ATP2C2: variants seen among roughly 807,000 people sequenced by gnomAD.
ATP2C2 encodes the protein ATPase secretory pathway Ca2+ transporting 2.
ATP2C2 carries 171 observed loss-of-function variants against 110.8 expected under a neutral mutation model. The ratio of observed to expected loss-of-function variants is 1.54; its 90% CI spans 1.36 to 1.75. The LOEUF is 1.75. Ranked by LOEUF, ATP2C2 falls within the 40% of genes most tolerant of loss-of-function variation. ATP2C2 has a pLI of 0.00. For missense variants in ATP2C2, 1,963 were observed against 1,235.0 expected (o/e 1.59, Z -8.84); for synonymous variants, 804 against 508.4 (o/e 1.58, Z -7.82).
chr16:84,397,671 A>AAAAAAAAAAAAAAAAAAAAAAAG (rs1567694790), intron 1 of ATP2C2, among the ~76,000 whole-genome samples: 1 of 139,412 alleles, frequency 7.2e-6, no homozygotes, highest in African/African-American at 2.7e-5. Context: ...AAAAAAAAAA[A>AAAAAAAAAAAAAAAAAAAAAAAG]AACTTGCTTA....
At chr16:84,462,274 T>C (rs886161828) in intron 26 of ATP2C2, 145 bp downstream of exon 26, 10 of 1,056,328 alleles carry the variant, frequency 9.5e-6, no homozygotes, top group Non-Finnish European at 1.2e-5. Flanking sequence ...AGGGCCCTTC[T>C]GTCCTCACAG....
At chr16:84,373,780 C>A (rs1414560341) in intron 1 of ATP2C2, among the ~76,000 whole-genome samples, 3 of 152,218 alleles carry the variant, frequency 2.0e-5, no homozygotes, top group African/African-American at 7.2e-5. Flanking sequence ...GACATGTCAT[C>A]TGCTCACTAC....
chr16:84,386,439 A>T (rs961310654), intron 1 of ATP2C2, among the ~76,000 whole-genome samples: 1 of 152,172 alleles, frequency 6.6e-6, no homozygotes, highest in East Asian at 1.9e-4. Flanking sequence ...TCCTTACTGC[A>T]CAATTTCCCT....
chr16:84,408,635 A>C, intron 4 of ATP2C2, 141 bp downstream of exon 4: 1 of 660,914 alleles, frequency 1.5e-6, no homozygotes, highest in Non-Finnish European at 2.5e-6. Context: ...AGGAAAGCAA[A>C]TCCACATCCT....
chr16:84,448,167 G>C (rs1253188856), intron 16 of ATP2C2, among the ~76,000 whole-genome samples: 2 of 152,118 alleles, frequency 1.3e-5, no homozygotes, highest in African/African-American at 4.8e-5. Context: ...GGAGGCAACA[G>C]TCTAATGGAA....
chr16:84,443,584 G>A (rs188265954), intron 15 of ATP2C2, among the ~76,000 whole-genome samples: 60 of 152,256 alleles, frequency 3.9e-4, no homozygotes, highest in Middle Eastern at 3.4e-3. Context: ...TCTCACTGGC[G>A]AGTGCCGACT....
chr16:84,418,227 G>A (rs189053828), intron 7 of ATP2C2, among the ~76,000 whole-genome samples: 1 of 152,340 alleles, frequency 6.6e-6, no homozygotes, highest in East Asian at 1.9e-4. Context: ...GATAGGAGGT[G>A]AGCCCGCGAT....
At chr16:84,393,718 G>A (rs958056261) in intron 1 of ATP2C2, among the ~76,000 whole-genome samples, 1 of 151,608 alleles carries the variant, frequency 6.6e-6, no homozygotes, top group Admixed American at 6.6e-5. Context: ...GAGGATGGGA[G>A]GCCAGTGGAT....
At chr16:84,374,378 A>C (rs905258316) in intron 1 of ATP2C2, among the ~76,000 whole-genome samples, 3 of 152,186 alleles carry the variant, frequency 2.0e-5, no homozygotes, top group South Asian at 2.1e-4. Flanking sequence ...GCAAATATGC[A>C]CACTGGTGTT....
Position 84,415,556 on chromosome 16 carries a change from G to T in ATP2C2, c.589G>T (p.Gly197Ter). Reference sequence around the variant, plus strand: ...TGGTGATGTCGTATCTCTCTCGATCGGAGACCGGATCCCTGCAGACATCCG... The same window carrying T: ...TGGTGATGTCGTATCTCTCTCGATCTGAGACCGGATCCCTGCAGACATCCG... ...VPGDVVSLSIGDRIPADIRLT... is the reference protein window; with the variant it reads ...VPGDVVSLSI Residue 197 changes from glycine to a stop codon, truncating the protein, a stop_gained, in exon 7 of 27, where the codon GGA becomes TGA. Transcript: ENST00000262429. LOFTEE classifies it high-confidence loss of function. 1 of 1,614,046 alleles carries T rather than the reference G, an allele frequency of 6.2e-7. No individual in the cohort carries two copies. Among genetic ancestry groups the T allele is most frequent in the Non-Finnish European group, 8.5e-7 (1 of 1,179,976 alleles).
intron 8 of ATP2C2, 38 bp from the exon 9 acceptor site, chr16:84,422,591 G>A (rs1275339962): frequency 2.5e-6 from 4 of 1,611,280 alleles, no homozygotes; most frequent in South Asian, 2.2e-5. Context: ...CAGGCTCCCA[G>A]CCCTTAGATT....
At chr16:84,386,753 T>G (rs1036880641) in intron 1 of ATP2C2, among the ~76,000 whole-genome samples, 2 of 152,118 alleles carry the variant, frequency 1.3e-5, no homozygotes, top group African/African-American at 4.8e-5. Context: ...GTGCGAGGTA[T>G]CATCATTCCC....
chr16:84,402,692 G>A (rs911123200), intron 2 of ATP2C2, among the ~76,000 whole-genome samples: 3 of 152,086 alleles, frequency 2.0e-5, no homozygotes, highest in Non-Finnish European at 4.4e-5. Context: ...CATTCAATTT[G>A]CTTGTATTTT....
At chr16:84,453,259 G>T in intron 19 of ATP2C2, 24 bp downstream of exon 19, 1 of 1,614,022 alleles carries the variant, frequency 6.2e-7, no homozygotes, top group Non-Finnish European at 8.5e-7. Flanking sequence ...GGCTTGGCTG[G>T]CAGTGGGGCT....
chr16:84,462,657 G>T (rs16973870), intron 26 of ATP2C2: 1 of 153,414 alleles, frequency 6.5e-6, no homozygotes, highest in Non-Finnish European at 1.4e-5. Flanking sequence ...AGCCAAGCGA[G>T]TGTGGCACCT....
At chr16:84,426,166 C>G in intron 11 of ATP2C2, 1 of 204,322 alleles carries the variant, frequency 4.9e-6, no homozygotes, top group Non-Finnish European at 1.0e-5. Context: ...TGGGGAGGCT[C>G]CAGGAAGTTT....
At position 84,388,365 on chromosome 16, in the gene ATP2C2, C is replaced by G. The variant is rs145046066; in HGVS notation, c.100-10134C>G. Reference sequence around the variant, plus strand: ...AAAAACTAGTATCAACCTTTGAACACATCAGTCAGAGTCCTCTACAGAACT... The same window carrying G: ...AAAAACTAGTATCAACCTTTGAACAGATCAGTCAGAGTCCTCTACAGAACT... On this transcript the variant is annotated intron_variant, in intron 1 of 26. Transcript: ENST00000262429. 4.2e-3 allele frequency among the ~76,000 whole-genome samples: 637 copies of G among 152,244 alleles called. 6 individuals are homozygous for G. Among genetic ancestry groups the G allele is most frequent in the African/African-American group, 0.015 (608 of 41,550 alleles).
Position 84,463,861 on chromosome 16 carries a change from C to A in ATP2C2, c.*129C>A. The A allele has an allele frequency of 1.2e-6, 1 of 836,452 alleles. No individual in the cohort carries two copies. Among genetic ancestry groups the A allele is most frequent in the Non-Finnish European group, 1.9e-6 (1 of 522,518 alleles). 51.8% of individuals were successfully genotyped at this position (836,452 alleles called of 1,614,324 possible). A position where few individuals can be genotyped will look rare whatever the true frequency, so the allele number is the denominator to read the frequency against. The stretch of plus-strand genomic sequence containing the variant: ...TTCCATCACCGGATCAGTTTTTCCT[C>A]TTAGGAAAGCTGCAGGAACCTCGTG... On this transcript the variant is annotated 3_prime_UTR_variant, in exon 27 of 27. Transcript: ENST00000262429.
chr16:84,448,489 A>G (rs1245254733), intron 16 of ATP2C2, 44 bp from the exon 17 acceptor site: 1 of 1,577,002 alleles, frequency 6.3e-7, no homozygotes, highest in East Asian at 2.3e-5. Context: ...GTATGAACCA[A>G]GGCTTCCAGT....
Sources: gnomAD v4.1 joint callset for allele counts (sites outside exome capture counted in the v4.1 genomes callset) on GRCh38, gnomAD v4.1.1 for gene constraint, MANE v1.5 for transcripts, NCBI Gene and HGNC (gene_info 2026-07-23, HGNC 2026-07-21) for gene names.